Variants in FLNB observed in about 807,000 individuals in gnomAD.
FLNB encodes filamin B.
Under a neutral mutation model 250.6 loss-of-function variants are expected in FLNB, and 111 were observed. The ratio of observed to expected loss-of-function variants is 0.44; its 90% confidence interval spans 0.38 to 0.52. The LOEUF is 0.52. Among genes scored for constraint, FLNB ranks in the 20% least tolerant of loss-of-function variants. FLNB has a pLI of 0.00. For synonymous variants in FLNB, 1,302 were observed against 1,372.1 expected (o/e 0.95, Z 1.13); for missense variants, 2,869 against 3,447.8 (o/e 0.83, Z 4.20).
intron 2 of FLNB, among the ~76,000 whole-genome samples, chr3:58,077,718 C>T (rs1350269871): frequency 1.3e-5 from 2 of 152,154 alleles, no homozygotes; most frequent in Non-Finnish European, 2.9e-5. Flanking sequence ...TTTTATTAAC[C>T]ACTGGTTTGA....
chr3:58,154,868 A>G lies in FLNB; in HGVS notation c.6712A>G (p.Ile2238Val). The change falls in exon 40 of 46, where the codon ATT (isoleucine) becomes GTT (valine). Residue 2238 changes from isoleucine to valine, a missense_variant. Ile to Val is a conservative substitution (Grantham distance 29). This residue lies in a region of FLNB where 1,084 missense variants were observed against 1,315.5 expected (regional missense o/e 0.82). Transcript: ENST00000295956. ...TGTTGAGGGCCCCAGTAAGGCCGAG[A>G]TTACATTCGATGACCATAAAAATGG... ...IAVEGPSKAE[I>V]TFDDHKNGSC... 1.2e-6 allele frequency: 2 copies of G among 1,614,084 alleles called. No individual in the cohort carries two copies. Among genetic ancestry groups the G allele is most frequent in the South Asian group, 1.1e-5 (1 of 91,082 alleles).
At chr3:58,100,074 C>T (rs895713314) in intron 8 of FLNB, among the ~76,000 whole-genome samples, 4 of 152,096 alleles carry the variant, frequency 2.6e-5, no homozygotes, top group Non-Finnish European at 5.9e-5. Flanking sequence ...CCGAGGAAGT[C>T]CTGTCATTGT....
intron 19 of FLNB, among the ~76,000 whole-genome samples, chr3:58,120,543 G>T (rs2097286975): frequency 6.6e-6 from 1 of 152,168 alleles, no homozygotes; most frequent in Non-Finnish European, 1.5e-5. Context: ...TGGGCTTCCT[G>T]CAGCCCTGCT....
intron 1 of FLNB, among the ~76,000 whole-genome samples, chr3:58,043,769 C>T (rs188522156): frequency 8.3e-4 from 127 of 152,246 alleles, no homozygotes; most frequent in African/African-American, 2.9e-3. Context: ...CTATTAGACT[C>T]CTTGAATTAT....
At chr3:58,115,101 A>G (rs1207412334) in intron 18 of FLNB, among the ~76,000 whole-genome samples, 1 of 152,206 alleles carries the variant, frequency 6.6e-6, no homozygotes, top group Non-Finnish European at 1.5e-5. Context: ...CCAAAACAAA[A>G]CATTCATTAT....
intron 1 of FLNB, among the ~76,000 whole-genome samples, chr3:58,051,675 GT>G (rs66498552): frequency 4.0e-5 from 2 of 49,910 alleles, no homozygotes; most frequent in African/African-American, 2.8e-4. Context: ...GGGGAGGGCA[GT>G]TTTTTTGGGT....
chr3:58,112,062 C>T (rs1171584215), intron 17 of FLNB, 87 bp from the exon 18 acceptor site: 1 of 1,347,196 alleles, frequency 7.4e-7, no homozygotes, highest in Non-Finnish European at 1.1e-6. Context: ...CATAATAGAC[C>T]TGGTGCTGTT....
In FLNB at chr3:58,106,884, T is replaced by A; in HGVS notation, c.1941+11T>A. On this transcript the variant is annotated intron_variant, in intron 12 of 45. Coordinates refer to ENST00000295956, the MANE Select transcript of FLNB (RefSeq NM_001457.4). ...TACAACCCTGATCTGGTGAATCAGC[T>A]GCTGTGCTTCTGTCTTCTTGTCCCT... The A allele has an allele frequency of 6.2e-7, 1 of 1,611,560 alleles. No individual in the cohort carries two copies. Among genetic ancestry groups the A allele is most frequent in the South Asian group, 1.1e-5 (1 of 90,968 alleles).
chr3:58,116,665 G>T (rs2097278491), intron 18 of FLNB, among the ~76,000 whole-genome samples: 1 of 152,196 alleles, frequency 6.6e-6, no homozygotes. Context: ...TGGGGCTTGA[G>T]GACCCTCCCA....
intron 1 of FLNB, among the ~76,000 whole-genome samples, chr3:58,063,015 A>T (rs890806032): frequency 1.3e-5 from 2 of 152,140 alleles, no homozygotes; most frequent in African/African-American, 4.8e-5. Flanking sequence ...CCATCGTATC[A>T]CCGCAGCCTG....
chr3:58,067,788 G>A (rs189518646), intron 1 of FLNB, among the ~76,000 whole-genome samples: 9 of 152,028 alleles, frequency 5.9e-5, no homozygotes, highest in Admixed American at 1.3e-4. Context: ...TAATAGAGAC[G>A]GGGTGTCTGG....
chr3:58,099,856 C>A (rs1364963173), intron 8 of FLNB, among the ~76,000 whole-genome samples: 1 of 152,158 alleles, frequency 6.6e-6, no homozygotes, highest in Non-Finnish European at 1.5e-5. Context: ...TACAGCCTGT[C>A]CAGCCGGAAC....
intron 4 of FLNB, among the ~76,000 whole-genome samples, 183 bp from the exon 5 acceptor site, chr3:58,094,653 A>G (rs1253238328): frequency 1.3e-5 from 2 of 152,196 alleles, no homozygotes; most frequent in African/African-American, 2.4e-5. Context: ...CTTCAATAAC[A>G]TGGGCAAAAT....
intron 28 of FLNB, among the ~76,000 whole-genome samples, chr3:58,136,743 A>ATTTTTTTTTTTTTT (rs1411180386): frequency 1.3e-5 from 1 of 75,202 alleles, no homozygotes; most frequent in Non-Finnish European, 2.3e-5. Context: ...GTCACAGGCC[A>ATTTTTTTTTTTTTT]TTCTTTTTTT....
intron 36 of FLNB, chr3:58,149,149 C>T (rs367960861): frequency 2.4e-6 from 1 of 424,898 alleles, no homozygotes; most frequent in African/African-American, 2.0e-5. Flanking sequence ...CTCTCCCACC[C>T]TTGTTCTCAG....
chr3:58,153,783 C>A, intron 39 of FLNB, 142 bp downstream of exon 39: 1 of 998,834 alleles, frequency 1.0e-6, no homozygotes, highest in Non-Finnish European at 1.5e-6. Context: ...AACAAGGCAT[C>A]ATGACTAAGT....
chr3:58,009,942 G>T (rs2097095987), intron 1 of FLNB, among the ~76,000 whole-genome samples: 1 of 152,218 alleles, frequency 6.6e-6, no homozygotes, highest in South Asian at 2.1e-4. Context: ...AGTGTGGGCT[G>T]TGATGGTAGG....
chr3:58,126,125 TC>T (rs1031115159), intron 23 of FLNB, among the ~76,000 whole-genome samples: 2 of 152,128 alleles, frequency 1.3e-5, no homozygotes, highest in Non-Finnish European at 2.9e-5. Flanking sequence ...ACCTGTAATC[TC>T]AGCACTTCAG....
chr3:58,104,035 G>A lies in FLNB; in HGVS notation c.1560G>A (p.Pro520=), dbSNP rs757277059. ...VYAFEYYPST[P]GRYSIAITWG... is the part of the protein sequence containing the mutation. ...CATTCGAGTATTACCCCAGCACCCC[G>A]GGGAGATACAGCATTGCCATCACAT... Residue 520 remains proline, a synonymous_variant, in exon 10 of 46, where the codon CCG becomes CCA. Coordinates refer to ENST00000295956, the MANE Select transcript of FLNB (RefSeq NM_001457.4). 8 of 1,613,920 alleles carry A rather than the reference G, an allele frequency of 5.0e-6. No homozygotes were observed. Among genetic ancestry groups the A allele is most frequent in the South Asian group, 2.2e-5 (2 of 91,060 alleles).
Sources: gnomAD v4.1 joint callset for allele counts (sites outside exome capture counted in the v4.1 genomes callset) on GRCh38, gnomAD v4.1.1 for gene constraint, gnomAD v4.1.1 regional missense constraint, MANE v1.5 for transcripts, NCBI Gene and HGNC (gene_info 2026-07-23, HGNC 2026-07-21) for gene names.